The following MACROD2 variants were observed in gnomAD, a reference collection of about 807,000 sequenced individuals.
MACROD2 encodes mono-ADP ribosylhydrolase 2.
MACROD2 carries 36 observed loss-of-function variants against 70.4 expected under a neutral mutation model. The ratio of observed to expected loss-of-function variants is 0.51; its 90% CI spans 0.39 to 0.68. The LOEUF (loss-of-function observed/expected upper bound fraction) is 0.68. MACROD2 is among the 30% of genes least tolerant of loss of function. The pLI is 0.00. For synonymous variants in MACROD2, 172 were observed against 178.8 expected, an observed-to-expected ratio of 0.96 and a Z score of 0.30; for missense variants, 496 against 538.4, an observed-to-expected ratio of 0.92 and a Z score of 0.78.
At chr20:14,453,642 T>A (rs2084268440) in intron 3 of MACROD2, among the ~76,000 whole-genome samples, 1 of 152,096 alleles carries the variant, frequency 6.6e-6, no homozygotes, top group Non-Finnish European at 1.5e-5. Flanking sequence ...TATTTTATAT[T>A]ACTTTAAATA....
At chr20:14,149,077 A>G (rs1462030886) in intron 3 of MACROD2, among the ~76,000 whole-genome samples, 1 of 151,900 alleles carries the variant, frequency 6.6e-6, no homozygotes, top group Admixed American at 6.6e-5. Context: ...TCTGTCAACA[A>G]GTATGGAGCA....
At chr20:14,718,341 A>T (rs947129014) in intron 5 of MACROD2, among the ~76,000 whole-genome samples, 2 of 150,454 alleles carry the variant, frequency 1.3e-5, no homozygotes, top group African/African-American at 4.9e-5. Flanking sequence ...ATGTGTATAT[A>T]TATTAATATG....
intron 5 of MACROD2, among the ~76,000 whole-genome samples, chr20:14,708,116 A>T (rs761473066): frequency 7.2e-5 from 11 of 152,226 alleles, no homozygotes; most frequent in Non-Finnish European, 1.0e-4. Context: ...ATAATATGAG[A>T]TGATGTGTAA....
intron 5 of MACROD2, among the ~76,000 whole-genome samples, chr20:14,872,046 A>G (rs919133888): frequency 2.6e-5 from 4 of 152,156 alleles, no homozygotes; most frequent in African/African-American, 7.2e-5. Flanking sequence ...CCACAGAGAT[A>G]CTTAGAGTCC....
intron 6 of MACROD2, among the ~76,000 whole-genome samples, chr20:15,317,313 C>A (rs1268603197): frequency 6.6e-6 from 1 of 151,922 alleles, no homozygotes; most frequent in Non-Finnish European, 1.5e-5. Context: ...TATAGACCTA[C>A]AACAAAAATA....
intron 5 of MACROD2, among the ~76,000 whole-genome samples, chr20:15,001,564 G>A (rs567923667): frequency 1.3e-5 from 2 of 152,022 alleles, no homozygotes; most frequent in South Asian, 2.1e-4. Flanking sequence ...TTGCAAGTAC[G>A]CTGCAATATG....
chr20:14,265,534 G>T (rs2082136971), intron 3 of MACROD2, among the ~76,000 whole-genome samples: 1 of 151,690 alleles, frequency 6.6e-6, no homozygotes, highest in South Asian at 2.1e-4. Flanking sequence ...TTTTACAATA[G>T]TTTTTTTCAC....
intron 4 of MACROD2, among the ~76,000 whole-genome samples, chr20:14,551,295 A>T (rs1279779980): frequency 6.6e-6 from 1 of 152,204 alleles, no homozygotes; most frequent in Non-Finnish European, 1.5e-5. Context: ...CTTGTGCTTC[A>T]ATAATCTCTT....
chr20:15,259,336 A>G (rs892070838), intron 6 of MACROD2, among the ~76,000 whole-genome samples: 3 of 152,030 alleles, frequency 2.0e-5, no homozygotes, highest in Non-Finnish European at 4.4e-5. Context: ...AAAATTTCCA[A>G]TAGGACAAAA....
At chr20:16,041,996 A>C (rs534609059) in intron 16 of MACROD2, among the ~76,000 whole-genome samples, 1 of 152,190 alleles carries the variant, frequency 6.6e-6, no homozygotes, top group South Asian at 2.1e-4. Flanking sequence ...AGAATTGGTT[A>C]GGTGGTCAGT....
chr20:15,211,447 A>T (rs2876397), intron 5 of MACROD2, among the ~76,000 whole-genome samples: 1 of 151,928 alleles, frequency 6.6e-6, no homozygotes, highest in African/African-American at 2.4e-5. Flanking sequence ...GTAATCCCCA[A>T]TGTTGGAGGT....
intron 5 of MACROD2, among the ~76,000 whole-genome samples, chr20:14,779,361 G>T (rs549917557): frequency 4.6e-4 from 70 of 152,218 alleles, no homozygotes; most frequent in African/African-American, 1.5e-3. Flanking sequence ...GGTAATTGCA[G>T]TGACTGTATT....
rs1161578689 is a variant in MACROD2, at chr20:14,025,783, A to G, written c.163+23379A>G. Among the ~76,000 whole-genome samples the G allele has an allele frequency of 3.3e-5, 5 of 152,166 alleles. No individual in the cohort carries two copies. The East Asian group carries it at 7.7e-4, about 23-fold the overall frequency. On this transcript the variant is annotated intron_variant, in intron 2 of 17. Transcript: ENST00000684519. ...TTTCAATTATGCGGTCAATTTTAGA[A>G]TAAGTGGGATGTGGTGCTGAGAAGA...
chr20:14,111,466 A>AGGG lies in MACROD2; in HGVS notation c.271+25740_271+25741insGGG, dbSNP rs1569163479. 3.3e-5 allele frequency among the ~76,000 whole-genome samples: 5 copies of AGGG among 152,108 alleles called. No individual in the cohort carries two copies. The East Asian group carries it at 9.6e-4, about 29-fold the overall frequency. ...ATATTTGCAAACTACCCATCTGACA[A>AGGG]GGAATTAATAACCAGAATATGTAAG... On this transcript the variant is annotated intron_variant, in intron 3 of 17. Coordinates refer to ENST00000684519, the MANE Select transcript of MACROD2 (RefSeq NM_001351661.2).
chr20:14,425,342 C>T (rs1468733878), intron 3 of MACROD2, among the ~76,000 whole-genome samples: 2 of 152,148 alleles, frequency 1.3e-5, no homozygotes, highest in African/African-American at 2.4e-5. Flanking sequence ...ACTTTCTCCA[C>T]CCTCCAGCTT....
intron 13 of MACROD2, among the ~76,000 whole-genome samples, chr20:15,976,848 A>G (rs1281945059): frequency 6.6e-6 from 1 of 152,238 alleles, no homozygotes; most frequent in African/African-American, 2.4e-5. Flanking sequence ...GAAGAGAAAT[A>G]TTCCAAGAGA....
chr20:15,801,171 C>T (rs1283936574), intron 8 of MACROD2, among the ~76,000 whole-genome samples: 1 of 134,932 alleles, frequency 7.4e-6, no homozygotes, highest in Non-Finnish European at 1.5e-5. Context: ...CGAGAAACAC[C>T]CAAGAATGAT....
intron 5 of MACROD2, among the ~76,000 whole-genome samples, chr20:15,193,062 G>A (rs2076582275): frequency 6.6e-6 from 1 of 152,176 alleles, no homozygotes; most frequent in South Asian, 2.1e-4. Context: ...GTTTTCGGTT[G>A]TGCATGAGAA....
intron 2 of MACROD2, among the ~76,000 whole-genome samples, chr20:14,078,316 T>A (rs779106700): frequency 2.2e-4 from 34 of 152,240 alleles, no homozygotes; most frequent in Admixed American, 2.0e-4. Context: ...ACTTAACTAT[T>A]GTTTCATAGT....
Sources: gnomAD v4.1 joint callset for allele counts (sites outside exome capture counted in the v4.1 genomes callset) on GRCh38, gnomAD v4.1.1 for gene constraint, MANE v1.5 for transcripts, NCBI Gene and HGNC (gene_info 2026-07-23, HGNC 2026-07-21) for gene names.